Variants in SFXN5 observed in about 807,000 individuals in gnomAD.
SFXN5 encodes sideroflexin-5.
In SFXN5, 43 loss-of-function variants were observed where a neutral mutation model predicts 50.2. The observed-to-expected ratio is 0.86, with a 90% confidence interval of 0.67 to 1.11. The LOEUF is 1.11. Ranked by LOEUF, SFXN5 falls within the 50% of genes least tolerant of loss-of-function variation. SFXN5 has a pLI of 0.00. For missense variants in SFXN5, 463 were observed against 454.1 expected (o/e 1.02, Z -0.18); for synonymous variants, 203 against 185.8 (o/e 1.09, Z -0.75).
intron 11 of SFXN5, 110 bp from the exon 12 acceptor site, chr2:72,968,643 G>T: frequency 1.0e-6 from 1 of 954,958 alleles, no homozygotes; most frequent in Non-Finnish European, 1.6e-6. Context: ...TGTCTGAATG[G>T]CCTTATTCAT....
In SFXN5 at chr2:73,062,050, G is replaced by A. The variant is rs574766446; in HGVS notation, c.103-3454C>T. 1.8e-4 allele frequency among the ~76,000 whole-genome samples: 27 copies of A among 152,270 alleles called. No individual in the cohort carries two copies. The South Asian group carries it at 5.0e-3, about 28-fold the overall frequency. On this transcript the variant is annotated intron_variant, in intron 1 of 13. Coordinates refer to ENST00000272433, the MANE Select transcript of SFXN5 (RefSeq NM_144579.3). ...GAGGACCACTTCAGCCCAGGAGTTCGAGGCTGCAGTGAGCTATGATCATGC... is the reference window on the plus strand; with the variant it reads ...GAGGACCACTTCAGCCCAGGAGTTCAAGGCTGCAGTGAGCTATGATCATGC...
At chr2:72,952,691 T>G (rs1445157793) in intron 13 of SFXN5, among the ~76,000 whole-genome samples, 1 of 152,216 alleles carries the variant, frequency 6.6e-6, no homozygotes, top group Non-Finnish European at 1.5e-5. Flanking sequence ...TTCTAAGCTT[T>G]GAGGCCTCAG....
Position 72,962,960 on chromosome 2 carries a change from C to T in SFXN5, c.828-1712G>A, listed in dbSNP as rs1021695042. Among the ~76,000 whole-genome samples, 6 of 152,168 alleles carry T rather than the reference C, an allele frequency of 3.9e-5. 1 individual carries two copies. The highest frequency in any genetic ancestry group is 7.3e-5 in the Non-Finnish European group (5 of 68,034). On this transcript the variant is annotated intron_variant, in intron 12 of 13. Coordinates refer to ENST00000272433, the MANE Select transcript of SFXN5 (RefSeq NM_144579.3). ...CCAATCCCCATCCAGCACCCCCACCCTCTCTCTCTACTCCATGCTAGCCCA... is the reference window on the plus strand; with the variant it reads ...CCAATCCCCATCCAGCACCCCCACCTTCTCTCTCTACTCCATGCTAGCCCA...
At chr2:72,993,334 A>C (rs1672839433) in intron 9 of SFXN5, among the ~76,000 whole-genome samples, 1 of 152,172 alleles carries the variant, frequency 6.6e-6, no homozygotes, top group African/African-American at 2.4e-5. Context: ...ATTGTTCCCC[A>C]ACCCCAGCCA....
rs577530028 is a variant in SFXN5 at position 72,953,066 on chromosome 2, T to C, written c.946-7967A>G. Among the ~76,000 whole-genome samples, 17 of 152,256 alleles carry C rather than the reference T, an allele frequency of 1.1e-4. 1 individual carries two copies. Among genetic ancestry groups the C allele is most frequent in the African/African-American group, 3.6e-4 (15 of 41,548 alleles). ...CCCGCCGAGGCCTGCCACCCGGGCA[T>C]GTGTACATGTTCTTGCGTGCACGTG... On this transcript the variant is annotated intron_variant, in intron 13 of 13. Transcript: ENST00000272433. The surrounding 1 kb of genome is among the most constrained non-coding windows in gnomAD (Gnocchi z 4.1).
chr2:73,012,793 G>A (rs1010600819), intron 6 of SFXN5, among the ~76,000 whole-genome samples: 2 of 152,024 alleles, frequency 1.3e-5, no homozygotes, highest in African/African-American at 4.8e-5. Flanking sequence ...AACTTGGCAG[G>A]TGTGTGGAGG....
At position 73,011,102 on chromosome 2, in the gene SFXN5, A is replaced by G. The variant is rs747140191; in HGVS notation, c.357+9137T>C. ...CGACATAGCTTTCACAAATCAATCA[A>G]TTGTGCAGTGGCACAATCAAAACTC... is the stretch of plus-strand genomic sequence containing the variant. On this transcript the variant is annotated intron_variant, in intron 6 of 13. Coordinates refer to ENST00000272433, the MANE Select transcript of SFXN5 (RefSeq NM_144579.3). Among the ~76,000 whole-genome samples the G allele has an allele frequency of 1.2e-3, 182 of 152,350 alleles. 3 individuals are homozygous for G. Among genetic ancestry groups the G allele is most frequent in the Non-Finnish European group, 2.2e-3 (153 of 68,018 alleles).
At chr2:72,979,223 G>A (rs1374606671) in intron 10 of SFXN5, among the ~76,000 whole-genome samples, 2 of 152,132 alleles carry the variant, frequency 1.3e-5, no homozygotes, top group Non-Finnish European at 2.9e-5. Context: ...ACTCCAGGTC[G>A]GTGCCTTCTG....
At chr2:72,989,705 AGGC>A in intron 9 of SFXN5, among the ~76,000 whole-genome samples, 1 of 152,154 alleles carries the variant, frequency 6.6e-6, no homozygotes, top group East Asian at 1.9e-4. Context: ...GGGTTGGGCT[AGGC>A]AGAGGAAAAG....
At chr2:73,020,392 G>A (rs1574137460) in intron 5 of SFXN5, 128 bp from the exon 6 acceptor site, 2 of 829,454 alleles carry the variant, frequency 2.4e-6, no homozygotes, top group East Asian at 5.3e-5. Flanking sequence ...CAGTTAGGCG[G>A]GAGGCATCTC....
rs1559199561 is a variant in SFXN5, at chr2:73,047,248, AT to A, written c.172-6318del. On this transcript the variant is annotated intron_variant, in intron 2 of 13. Transcript: ENST00000272433. ...AAAAAAAAAAAAAAAAAAAAAAAAT[AT>A]ATATATATATATATATATATATATA... is the stretch of plus-strand genomic sequence containing the variant. 4.5e-3 allele frequency among the ~76,000 whole-genome samples: 128 copies of A among 28,252 alleles called. 3 individuals are homozygous for A. Among genetic ancestry groups the A allele is most frequent in the Non-Finnish European group, 6.5e-3 (102 of 15,770 alleles). 18.5% of individuals were successfully genotyped at this position (28,252 alleles called of 152,430 possible).
intron 1 of SFXN5, chr2:73,059,276 C>CT: frequency 2.0e-6 from 2 of 985,732 alleles, no homozygotes; most frequent in Non-Finnish European, 2.4e-6. Flanking sequence ...GCCTTCTGCC[C>CT]TGGGGACTAA....
intron 2 of SFXN5, among the ~76,000 whole-genome samples, chr2:73,046,408 C>CA (rs113423799): frequency 0.38 from 41,440 of 107,790 alleles, 7,238 homozygotes; most frequent in East Asian, 0.56. Context: ...GACTCCATCT[C>CA]AAAAAAAAAA....
intron 3 of SFXN5, among the ~76,000 whole-genome samples, chr2:73,032,464 A>C (rs2105889097): frequency 6.6e-6 from 1 of 152,274 alleles, no homozygotes; most frequent in Non-Finnish European, 1.5e-5. Context: ...TCCGGGTGAG[A>C]GGTGGCTGGA....
intron 2 of SFXN5, among the ~76,000 whole-genome samples, chr2:73,048,675 C>G (rs896847384): frequency 2.6e-5 from 4 of 152,184 alleles, no homozygotes; most frequent in Non-Finnish European, 5.9e-5. Flanking sequence ...AAGCACACAA[C>G]GTCAGTTTCT....
chr2:73,047,246 ATATATAT>A (rs1205278227), intron 2 of SFXN5, among the ~76,000 whole-genome samples: 1 of 25,440 alleles, frequency 3.9e-5, no homozygotes, highest in African/African-American at 1.5e-4. Flanking sequence ...AAAAAAAAAA[ATATATAT>A]ATATATATAT....
intron 9 of SFXN5, 74 bp from the exon 10 acceptor site, chr2:72,988,422 C>T: frequency 1.5e-6 from 2 of 1,299,668 alleles, no homozygotes; most frequent in Non-Finnish European, 2.2e-6. Flanking sequence ...GGGGGCAGAA[C>T]TGGAGGAACA....
At chr2:73,018,594 T>C (rs977808627) in intron 6 of SFXN5, among the ~76,000 whole-genome samples, 2 of 152,354 alleles carry the variant, frequency 1.3e-5, no homozygotes, top group South Asian at 4.1e-4. Flanking sequence ...ATGATATCCA[T>C]AGGAAAATTT....
At chr2:73,044,253 C>A (rs551110834) in intron 2 of SFXN5, among the ~76,000 whole-genome samples, 1 of 152,344 alleles carries the variant, frequency 6.6e-6, no homozygotes, top group African/African-American at 2.4e-5. Context: ...TGCGGGAGAA[C>A]AAGATCCAAG....
Sources: gnomAD v4.1 joint callset for allele counts (sites outside exome capture counted in the v4.1 genomes callset) on GRCh38, gnomAD v4.1.1 for gene constraint, Gnocchi (gnomAD v3.1) non-coding constraint, MANE v1.5 for transcripts, NCBI Gene and HGNC (gene_info 2026-07-23, HGNC 2026-07-21) for gene names.